Variants in IGFLR1 observed in about 807,000 individuals in gnomAD.
The protein encoded by IGFLR1 is IGF-like family receptor 1.
Under a neutral mutation model 23.4 loss-of-function variants are expected in IGFLR1, and 17 were observed. That is an observed-to-expected ratio of 0.73 (90% CI 0.50 to 1.09). IGFLR1 has a LOEUF of 1.09. IGFLR1 is among the 50% of genes least tolerant of loss of function. The pLI is 0.00. For missense variants in IGFLR1, 556 were observed against 459.2 expected (o/e 1.21, Z -1.93); for synonymous variants, 265 against 210.7 (o/e 1.26, Z -2.23).
In IGFLR1 at chr19:35,739,521, C is replaced by T. The variant is rs758722295; in HGVS notation, c.827G>A (p.Gly276Asp). Residue 276 changes from glycine (G) to aspartate (D), a missense_variant, in exon 5 of 5, where the codon GGT (glycine) becomes GAT (aspartate). By Grantham distance (94) the Gly-to-Asp change is moderately conservative. Transcript: ENST00000246532. The stretch of plus-strand genomic sequence containing the variant: ...GTGTCGAGTAGTGCCATGGGCCATA[C>T]CCCCACCTGGCCCAGGCTCAGGGTC... ...LLDPEPGPGG[G>D]MAHGTTRHLA... The T allele has an allele frequency of 1.9e-6, 3 of 1,614,044 alleles. No homozygotes were observed. The highest frequency in any genetic ancestry group is 1.7e-6 in the Non-Finnish European group (2 of 1,180,016).
chr19:35,740,344 A>T (rs756580438), intron 3 of IGFLR1, 36 bp downstream of exon 3: 1 of 1,522,666 alleles, frequency 6.6e-7, no homozygotes, highest in Non-Finnish European at 8.8e-7. Context: ...CCCCACCTCC[A>T]GCACGCCCTT....
At position 35,739,754 on chromosome 19, in the gene IGFLR1, C is replaced by T. The variant is rs746713726; in HGVS notation, c.677G>A (p.Gly226Glu). 5.5e-5 allele frequency: 86 copies of T among 1,555,000 alleles called. No homozygotes were observed. The East Asian group carries it at 1.8e-3, about 33-fold the overall frequency. Reference sequence around the variant, plus strand: ...TAGTGAGGCCTCCTTCCATGTGTCCCCTGTCTCCAGGGCGCCTGGGGAGGA... The same window carrying T: ...TAGTGAGGCCTCCTTCCATGTGTCCTCTGTCTCCAGGGCGCCTGGGGAGGA... The part of the protein sequence containing the change: ...HLSSPGALET[G>E]DTWKEASLLP... Residue 226 changes from glycine to glutamate, a missense_variant, in exon 4 of 5, where the codon GGG becomes GAG. Gly to Glu is a moderately conservative substitution (Grantham distance 98). Transcript: ENST00000246532.
In IGFLR1 at chr19:35,739,924, C is replaced by A; in HGVS notation, c.507G>T (p.Leu169=). 1 of 1,614,170 alleles carries A rather than the reference C, an allele frequency of 6.2e-7. No individual in the cohort carries two copies. Among genetic ancestry groups the A allele is most frequent in the Non-Finnish European group, 8.5e-7 (1 of 1,180,018 alleles). Residue 169 remains leucine (L), a synonymous_variant, in exon 4 of 5, where the codon CTG becomes CTT. Transcript: ENST00000246532. The part of the protein sequence containing the change: ...PNFLPLVVLV[L]LLTLAVIAIL... ...TCGCTATCACCGCCAAGGTCAGGAGCAGGACCAGCACCACGAGCGGAAGGA... is the reference window on the plus strand; with the variant it reads ...TCGCTATCACCGCCAAGGTCAGGAGAAGGACCAGCACCACGAGCGGAAGGA...
chr19:35,741,971 C>G (rs767373382), intron 1 of IGFLR1, among the ~76,000 whole-genome samples: 2 of 152,024 alleles, frequency 1.3e-5, no homozygotes, highest in African/African-American at 4.8e-5. Context: ...ATTAGCCGGG[C>G]GTGGTAGCGC....
Position 35,740,572 on chromosome 19 carries a change from G to A in IGFLR1, c.158-8C>T, listed in dbSNP as rs1970158961. 6.3e-7 allele frequency: 1 copy of A among 1,595,622 alleles called. No homozygotes were observed. The highest frequency in any genetic ancestry group is 8.5e-7 in the Non-Finnish European group (1 of 1,169,778). ...TTTCCCGGAACTCATAGTCTAGCGG[G>A]AAAGCTGCGCTCCAGTGCGGCCGCC... On this transcript the variant is annotated splice_region_variant and splice_polypyrimidine_tract_variant and intron_variant, in intron 2 of 4. Coordinates refer to ENST00000246532, the MANE Select transcript of IGFLR1 (RefSeq NM_024660.4).
In IGFLR1 at chr19:35,739,187, TG is replaced by T; in HGVS notation, c.*92del. ...GGCGAAGAGCAGTGAGGCTATCTGT[TG>T]GGTCTTTGCCCAATTAGGATTGTAC... On this transcript the variant is annotated 3_prime_UTR_variant, in exon 5 of 5. Transcript: ENST00000246532. 1 of 1,185,846 alleles carries T rather than the reference TG, an allele frequency of 8.4e-7. No individual in the cohort carries two copies. The highest frequency in any genetic ancestry group is 1.2e-6 in the Non-Finnish European group (1 of 854,026). 73.5% of individuals were successfully genotyped at this position (1,185,846 alleles called of 1,614,324 possible).
intron 1 of IGFLR1, 56 bp downstream of exon 1, chr19:35,742,340 C>T: frequency 1.4e-6 from 2 of 1,380,368 alleles, no homozygotes; most frequent in Middle Eastern, 1.8e-4. Flanking sequence ...CTTGAATAAG[C>T]CTCAGATGGA....
At chr19:35,742,327 C>T (rs2146501115) in intron 1 of IGFLR1, 69 bp downstream of exon 1, 1 of 1,284,754 alleles carries the variant, frequency 7.8e-7, no homozygotes, top group Non-Finnish European at 1.0e-6. Context: ...CAGGTCTCTC[C>T]CCCTTGAATA....
intron 2 of IGFLR1, 58 bp from the exon 3 acceptor site, chr19:35,740,622 C>G (rs889729855): frequency 2.5e-5 from 37 of 1,503,496 alleles, no homozygotes; most frequent in South Asian, 3.8e-5. Flanking sequence ...GCGGGCAACG[C>G]CCTCTCCCTT....
At position 35,739,752 on chromosome 19, in the gene IGFLR1, C is replaced by A. The variant is rs367737500; in HGVS notation, c.679G>T (p.Asp227Tyr). The change falls in exon 4 of 5, where the codon GAC becomes TAC. Residue 227 changes from aspartate to tyrosine, a missense_variant. Asp to Tyr is a radical substitution (Grantham distance 160, BLOSUM62 -3). Transcript: ENST00000246532. ...LSSPGALETG[D>Y]TWKEASLLPL... is the part of the protein sequence containing the mutation. ...AGTAGTGAGGCCTCCTTCCATGTGT[C>A]CCCTGTCTCCAGGGCGCCTGGGGAG... The A allele has an allele frequency of 6.0e-5, 93 of 1,554,672 alleles. No homozygotes were observed. In the African/African-American group the frequency reaches 1.2e-3, roughly 20 times the overall value.
rs562885837 is a variant in IGFLR1 at position 35,739,844 on chromosome 19, G to GCTAT, written c.586_587insATAG (p.Pro196HisfsTer62). The GCTAT allele has an allele frequency of 7.4e-6, 12 of 1,612,362 alleles. No homozygotes were observed. In the Admixed American group the frequency reaches 2.0e-4, roughly 27 times the overall value. On this transcript the variant is annotated frameshift_variant, in exon 4 of 5. Transcript: ENST00000246532. LOFTEE classifies it high-confidence loss of function. ...GCAGACCAAGCCAGGATAGGGATAGGGGTCGGCTTTCTCCTTGGGCCAGCA... is the reference window on the plus strand; with the variant it reads ...GCAGACCAAGCCAGGATAGGGATAGGCTATGGTCGGCTTTCTCCTTGGGCCAGCA...
Position 35,739,822 on chromosome 19 carries a change from G to C in IGFLR1, c.609C>G (p.Val203=), listed in dbSNP as rs752646642. Residue 203 remains valine (V), a synonymous_variant, in exon 4 of 5, where the codon GTC becomes GTG. Coordinates refer to ENST00000246532, the MANE Select transcript of IGFLR1 (RefSeq NM_024660.4). The part of the protein sequence containing the change: ...KADPYPYPGL[V]CGVPNTHTPS... Reference sequence around the variant, plus strand: ...GGGTGTGGGTGTTGGGGACTCCGCAGACCAAGCCAGGATAGGGATAGGGGT... The same window carrying C: ...GGGTGTGGGTGTTGGGGACTCCGCACACCAAGCCAGGATAGGGATAGGGGT... 7 of 1,605,258 alleles carry C rather than the reference G, an allele frequency of 4.4e-6. No individual in the cohort carries two copies. Among genetic ancestry groups the C allele is most frequent in the Non-Finnish European group, 6.0e-6 (7 of 1,173,680 alleles).
At chr19:35,740,834 C>A (rs961823867) in intron 2 of IGFLR1, 190 bp downstream of exon 2, 25 of 654,114 alleles carry the variant, frequency 3.8e-5, no homozygotes, top group Non-Finnish European at 6.2e-5. Context: ...CATATCCATT[C>A]GCTGTTGCCC....
In IGFLR1 at chr19:35,738,933, A is replaced by C. The variant is rs995441011; in HGVS notation, c.*347T>G. ...GGGCAGGTAGGAACCCCACTTCTAC[A>C]CACCCACCCATCATGACCCAAGGAA... On this transcript the variant is annotated 3_prime_UTR_variant, in exon 5 of 5. Coordinates refer to ENST00000246532, the MANE Select transcript of IGFLR1 (RefSeq NM_024660.4). This position sits in a 1 kb window ranked among gnomAD's most constrained non-coding sequence, Gnocchi z 8.7. 2.2e-5 allele frequency: 10 copies of C among 449,490 alleles called. No homozygotes were observed. The highest frequency in any genetic ancestry group is 1.3e-4 in the South Asian group (4 of 31,616). The allele number at this position is 449,490 out of a possible 1,614,324, so 27.8% of individuals were successfully genotyped here. A position where few individuals can be genotyped will look rare whatever the true frequency, so the allele number is the denominator to read the frequency against.
rs764643489 is a variant in IGFLR1, at chr19:35,741,206, C to A, written c.-26G>T. 2 of 1,608,982 alleles carry A rather than the reference C, an allele frequency of 1.2e-6. No homozygotes were observed. Among genetic ancestry groups the A allele is most frequent in the Admixed American group, 1.7e-5 (1 of 59,492 alleles). On this transcript the variant is annotated 5_prime_UTR_variant, in exon 2 of 5. Transcript: ENST00000246532. ...CTGGGGGGCCGTGATAGCGGGACTT[C>A]CAAACACAGCGCCTCTGCTACACTT...
At position 35,740,539 on chromosome 19, in the gene IGFLR1, T is replaced by A. The variant is rs763692016; in HGVS notation, c.183A>T (p.Gly61=). Residue 61 remains glycine (G), a synonymous_variant, in exon 3 of 5, where the codon GGA becomes GGT. Transcript: ENST00000246532. Reference sequence around the variant, plus strand: ...TTACGAAATCGCCGTGGTCATTGAGTCCGCAGTTTTCCCGGAACTCATAGT... The same window carrying A: ...TTACGAAATCGCCGTGGTCATTGAGACCGCAGTTTTCCCGGAACTCATAGT... ...CPDYEFRENC[G]LNDHGDFVTP... is the part of the protein sequence containing the mutation. 3 of 1,609,166 alleles carry A rather than the reference T, an allele frequency of 1.9e-6. No homozygotes were observed. In the South Asian group the frequency reaches 3.3e-5, roughly 18 times the overall value.
At position 35,739,651 on chromosome 19, in the gene IGFLR1, G is replaced by A. The variant is rs368330556; in HGVS notation, c.722-25C>T. The stretch of plus-strand genomic sequence containing the variant: ...TCTGGAAGAAAGGGGAAGGGTAAAG[G>A]TGCGGAAGAGCGGGCGTCCAGTCCA... On this transcript the variant is annotated intron_variant, in intron 4 of 4. Coordinates refer to ENST00000246532, the MANE Select transcript of IGFLR1 (RefSeq NM_024660.4). 3.8e-6 allele frequency: 6 copies of A among 1,589,850 alleles called. No homozygotes were observed. The African/African-American group carries it at 8.1e-5, about 21-fold the overall frequency.
Position 35,739,569 on chromosome 19 carries a change from A to G in IGFLR1, c.779T>C (p.Leu260Pro). Residue 260 changes from leucine to proline, a missense_variant, in exon 5 of 5, where the codon CTG becomes CCG. Transcript: ENST00000246532. ...GTCCAGCAGTACAATCAGCTCTTCCAGCACCTCCAGCTCATCCAGGAGGCG... is the reference window on the plus strand; with the variant it reads ...GTCCAGCAGTACAATCAGCTCTTCCGGCACCTCCAGCTCATCCAGGAGGCG... ...LSRLLDELEV[L>P]EELIVLLDPE... 2.5e-6 allele frequency: 4 copies of G among 1,614,004 alleles called. No homozygotes were observed. Among genetic ancestry groups the G allele is most frequent in the Non-Finnish European group, 2.5e-6 (3 of 1,179,938 alleles).
chr19:35,740,939 G>C, intron 2 of IGFLR1, 85 bp downstream of exon 2: 1 of 1,334,304 alleles, frequency 7.5e-7, no homozygotes, highest in South Asian at 1.3e-5. Flanking sequence ...AGCCTCTCTG[G>C]CCCGTAGCCC....
Sources: allele counts gnomAD v4.1 joint callset (sites outside exome capture counted in the v4.1 genomes callset), GRCh38; gene constraint gnomAD v4.1.1; non-coding constraint Gnocchi (gnomAD v3.1); transcripts MANE v1.5; gene names NCBI Gene and HGNC (gene_info 2026-07-23, HGNC 2026-07-21).